MGAT5: variants seen among roughly 807,000 people sequenced by gnomAD.
The protein encoded by MGAT5 is alpha-1,6-mannosylglycoprotein 6-beta-N-acetylglucosaminyltransferase A.
A neutral mutation model predicts 94.3 loss-of-function variants in MGAT5; 30 were observed. The ratio of observed to expected loss-of-function variants is 0.32; its 90% CI spans 0.24 to 0.43. The LOEUF (loss-of-function observed/expected upper bound fraction) is 0.43, where lower values mean the gene tolerates loss of function less well. Ranked by LOEUF, MGAT5 falls within the 20% of genes least tolerant of loss-of-function variation. The probability of loss-of-function intolerance (pLI) is 1.00; values close to 1 mark genes in which losing one functional copy is unlikely to be tolerated. For missense variants in MGAT5, 691 were observed against 905.5 expected (o/e 0.76, Z 3.04); for synonymous variants, 310 against 322.9 (o/e 0.96, Z 0.43).
intron 9 of MGAT5, among the ~76,000 whole-genome samples, chr2:134,353,421 G>T (rs1280528775): frequency 1.3e-5 from 2 of 152,130 alleles, no homozygotes; most frequent in Non-Finnish European, 2.9e-5. Context: ...ACGATGTTTA[G>T]TATACAAAAA....
At chr2:134,426,525 C>G (rs1183114329) in intron 13 of MGAT5, among the ~76,000 whole-genome samples, 1 of 152,162 alleles carries the variant, frequency 6.6e-6, no homozygotes, top group African/African-American at 2.4e-5. Context: ...ATCTGTTCAT[C>G]TCATGAAAGA....
intron 2 of MGAT5, among the ~76,000 whole-genome samples, chr2:134,292,615 T>C (rs1446013007): frequency 2.0e-5 from 3 of 152,206 alleles, no homozygotes. Flanking sequence ...AATTCAGGTT[T>C]ATTTTCTGCT....
rs147333628 is a variant in MGAT5 at position 134,369,606 on chromosome 2, A to G, written c.1380+7198A>G. Among the ~76,000 whole-genome samples, 115 of 152,360 alleles carry G rather than the reference A, an allele frequency of 7.5e-4. 3 individuals are homozygous for G. The East Asian group carries it at 0.018, about 24-fold the overall frequency. On this transcript the variant is annotated intron_variant, in intron 10 of 15. Coordinates refer to ENST00000281923, the MANE Select transcript of MGAT5 (RefSeq NM_002410.5). ...GTATATATTATACATATAAAACTCT[A>G]GAAAATGCAAACCAATCCATAGTGA... is the stretch of plus-strand genomic sequence containing the variant.
intron 1 of MGAT5, among the ~76,000 whole-genome samples, chr2:134,214,970 C>T (rs1680399372): frequency 6.6e-6 from 1 of 152,178 alleles, no homozygotes; most frequent in Admixed American, 6.5e-5. Flanking sequence ...GCTTCTACCT[C>T]TACAATCCCC....
rs140330401 is a variant in MGAT5 at position 134,398,656 on chromosome 2, T to C, written c.1381-4332T>C. On this transcript the variant is annotated intron_variant, in intron 10 of 15. Transcript: ENST00000281923. ...ATGTTTATTGCAGCACTATTTACAA[T>C]AGCCAAGATACGGAATTAGCTTGAG... 2.0e-3 allele frequency among the ~76,000 whole-genome samples: 307 copies of C among 152,264 alleles called. 2 individuals are homozygous for C. Among genetic ancestry groups the C allele is most frequent in the African/African-American group, 7.1e-3 (295 of 41,554 alleles).
chr2:134,267,050 G>C (rs1475944721), intron 1 of MGAT5, among the ~76,000 whole-genome samples: 1 of 152,242 alleles, frequency 6.6e-6, no homozygotes, highest in Non-Finnish European at 1.5e-5. Flanking sequence ...GGTGGACAGA[G>C]TTACCACAGG....
intron 1 of MGAT5, among the ~76,000 whole-genome samples, chr2:134,129,906 G>A (rs1252719306): frequency 6.6e-6 from 1 of 152,192 alleles, no homozygotes; most frequent in Non-Finnish European, 1.5e-5. Flanking sequence ...GGCTGAGACC[G>A]CAGCCGGCTC....
At chr2:134,137,735 G>A (rs539798944) in intron 1 of MGAT5, among the ~76,000 whole-genome samples, 1 of 151,900 alleles carries the variant, frequency 6.6e-6, no homozygotes, top group Non-Finnish European at 1.5e-5. Context: ...GACTAGAATA[G>A]TCTCTATTTT....
At position 134,408,568 on chromosome 2, in the gene MGAT5, T is replaced by C. The variant is rs1026561172; in HGVS notation, c.1531-4301T>C. The stretch of plus-strand genomic sequence containing the variant: ...GGCATGTAAACATGCTTGGTGAGTC[T>C]TCTTTTCTTGGCCTCCGTGGACCTT... On this transcript the variant is annotated intron_variant, in intron 11 of 15. Coordinates refer to ENST00000281923, the MANE Select transcript of MGAT5 (RefSeq NM_002410.5). Among the ~76,000 whole-genome samples, 3 of 152,302 alleles carry C rather than the reference T, an allele frequency of 2.0e-5. No individual in the cohort carries two copies. The East Asian group carries it at 5.8e-4, about 29-fold the overall frequency.
At chr2:134,140,891 A>T (rs892550033) in intron 1 of MGAT5, among the ~76,000 whole-genome samples, 1 of 152,192 alleles carries the variant, frequency 6.6e-6, no homozygotes, top group Non-Finnish European at 1.5e-5. Context: ...CAGAATTTCA[A>T]CCTAGGGAAC....
At chr2:134,236,786 A>C (rs1243926644) in intron 1 of MGAT5, among the ~76,000 whole-genome samples, 2 of 151,998 alleles carry the variant, frequency 1.3e-5, no homozygotes, top group Non-Finnish European at 2.9e-5. Context: ...GGGTGTGTGC[A>C]TGGTTGGAGG....
At chr2:134,174,180 CT>C (rs1370373120) in intron 1 of MGAT5, among the ~76,000 whole-genome samples, 1 of 152,252 alleles carries the variant, frequency 6.6e-6, no homozygotes, top group Admixed American at 6.5e-5. Context: ...GCCAGTGGAT[CT>C]TGTGTCTGGT....
At chr2:134,413,107 A>T in intron 12 of MGAT5, 92 bp downstream of exon 12, 104 of 1,336,538 alleles carry the variant, frequency 7.8e-5, no homozygotes, top group Middle Eastern at 3.7e-4. Context: ...ATCTAACATG[A>T]TTGGGTGGGA....
chr2:134,441,274 G>A (rs943388766), intron 14 of MGAT5, among the ~76,000 whole-genome samples: 5 of 152,196 alleles, frequency 3.3e-5, no homozygotes, highest in Admixed American at 6.5e-5. Flanking sequence ...TAAAAGTAGC[G>A]CTTATGAAAC....
chr2:134,411,015 T>C (rs974947782), intron 11 of MGAT5, among the ~76,000 whole-genome samples: 1 of 152,104 alleles, frequency 6.6e-6, no homozygotes, highest in African/African-American at 2.4e-5. Context: ...AAATCAGAGA[T>C]CACAAGTCTG....
intron 2 of MGAT5, among the ~76,000 whole-genome samples, chr2:134,295,870 G>T (rs1374740992): frequency 2.0e-5 from 3 of 152,144 alleles, no homozygotes; most frequent in African/African-American, 7.2e-5. Flanking sequence ...GGGTTCGGTG[G>T]ATTTACAGCA....
intron 2 of MGAT5, among the ~76,000 whole-genome samples, chr2:134,273,684 G>C (rs1198260194): frequency 6.6e-6 from 1 of 152,008 alleles, no homozygotes; most frequent in African/African-American, 2.4e-5. Flanking sequence ...GCTGTGTTCT[G>C]TGTAGCTTTT....
intron 10 of MGAT5, among the ~76,000 whole-genome samples, chr2:134,391,224 A>G (rs1257714870): frequency 3.9e-5 from 6 of 152,034 alleles, no homozygotes; most frequent in Admixed American, 3.9e-4. Flanking sequence ...GCCGTTAGTG[A>G]TCTGCTTGAG....
chr2:134,231,518 A>G (rs552337246), intron 1 of MGAT5, among the ~76,000 whole-genome samples: 1 of 152,362 alleles, frequency 6.6e-6, no homozygotes, highest in Non-Finnish European at 1.5e-5. Flanking sequence ...CAAGATCTTC[A>G]TAGGCTGTCT....
Sources: allele counts gnomAD v4.1 joint callset (sites outside exome capture counted in the v4.1 genomes callset), GRCh38; gene constraint gnomAD v4.1.1; transcripts MANE v1.5; gene names NCBI Gene and HGNC (gene_info 2026-07-23, HGNC 2026-07-21).